Variants in SIM1 observed in about 807,000 individuals in gnomAD.
The protein encoded by SIM1 is SIM bHLH transcription factor 1.
SIM1 carries 18 observed loss-of-function variants against 78.2 expected under a neutral mutation model. That is an observed-to-expected ratio of 0.23 (90% confidence interval 0.16 to 0.34). The LOEUF is 0.34. Among genes scored for constraint, SIM1 ranks in the 10% least tolerant of loss-of-function variants. The pLI, the probability that SIM1 is intolerant of heterozygous loss-of-function variation, is 1.00. For synonymous variants in SIM1, 417 were observed against 385.2 expected (o/e 1.08, Z -0.97); for missense variants, 939 against 975.1 (o/e 0.96, Z 0.49).
chr6:100,396,406 C>T (rs1434830851), intron 10 of SIM1, among the ~76,000 whole-genome samples: 1 of 152,102 alleles, frequency 6.6e-6, no homozygotes, highest in African/African-American at 2.4e-5. Flanking sequence ...ATTGGCGCAA[C>T]AGAGAAGAAC....
chr6:100,419,074 G>C (rs915410606), intron 10 of SIM1, among the ~76,000 whole-genome samples: 1 of 152,078 alleles, frequency 6.6e-6, no homozygotes, highest in African/African-American at 2.4e-5. Context: ...GCTAAGGCAG[G>C]AGAATTGTTT....
At chr6:100,437,547 T>C (rs867418070) in intron 9 of SIM1, 1 of 151,770 alleles carries the variant, frequency 6.6e-6, no homozygotes, top group African/African-American at 2.4e-5. Flanking sequence ...AAAAAAAATT[T>C]TAAATGGTGT....
intron 9 of SIM1, among the ~76,000 whole-genome samples, chr6:100,438,734 G>A (rs1205632601): frequency 6.6e-6 from 1 of 152,174 alleles, no homozygotes; most frequent in African/African-American, 2.4e-5. Context: ...CCAATGAGTG[G>A]ATAAAGAAAA....
intron 8 of SIM1, among the ~76,000 whole-genome samples, chr6:100,447,631 G>C (rs546727286): frequency 2.6e-4 from 40 of 152,220 alleles, no homozygotes; most frequent in Non-Finnish European, 5.4e-4. Flanking sequence ...GATGATACAG[G>C]GGTGGCCAGA....
chr6:100,454,514 A>AC (rs1202944046), intron 2 of SIM1, among the ~76,000 whole-genome samples: 2 of 143,944 alleles, frequency 1.4e-5, no homozygotes, highest in African/African-American at 5.2e-5. Flanking sequence ...CCCCCTACCC[A>AC]CCCCCCTACC....
chr6:100,416,996 C>T (rs905025193), intron 10 of SIM1, among the ~76,000 whole-genome samples: 1 of 150,362 alleles, frequency 6.7e-6, no homozygotes, highest in Admixed American at 6.6e-5. Context: ...AAAAAACAAA[C>T]TCTAAACTCT....
intron 2 of SIM1, among the ~76,000 whole-genome samples, chr6:100,458,237 T>G (rs1167825404): frequency 1.3e-5 from 2 of 152,106 alleles, no homozygotes; most frequent in Non-Finnish European, 2.9e-5. Flanking sequence ...GCAGCGTTCA[T>G]GAGACAGTCC....
chr6:100,450,113 G>A (rs1772470629), intron 4 of SIM1, 154 bp downstream of exon 4: 1 of 667,008 alleles, frequency 1.5e-6, no homozygotes, highest in Admixed American at 2.4e-5. Flanking sequence ...GAGAAATGGA[G>A]AGACCCAGAA....
At chr6:100,445,924 GA>G (rs1223596405) in intron 9 of SIM1, among the ~76,000 whole-genome samples, 1 of 152,140 alleles carries the variant, frequency 6.6e-6, no homozygotes, top group Non-Finnish European at 1.5e-5. Flanking sequence ...CTGTATTCAT[GA>G]AATTGATAGT....
intron 9 of SIM1, among the ~76,000 whole-genome samples, chr6:100,423,936 C>T (rs1771658172): frequency 6.6e-6 from 1 of 152,114 alleles, no homozygotes; most frequent in African/African-American, 2.4e-5. Flanking sequence ...ATTGTGCACC[C>T]ATGAAAGTTT....
rs1562239598 is a variant in SIM1 at position 100,412,605 on chromosome 6, AAGAAAGG to A, written c.1167+8178_1167+8184del. Among the ~76,000 whole-genome samples, 15 of 109,054 alleles carry A rather than the reference AAGAAAGG, an allele frequency of 1.4e-4. 1 individual carries two copies. Among genetic ancestry groups the A allele is most frequent in the African/African-American group, 4.3e-4 (14 of 32,318 alleles). 71.5% of individuals were successfully genotyped at this position (109,054 alleles called of 152,430 possible). A position where few individuals can be genotyped will look rare whatever the true frequency, so the allele number is the denominator to read the frequency against. ...AAAGAAAGAAAGAAAGAAAGAAAGA[AAGAAAGG>A]AAAGAAAGAAGGAAAGAAAGAAAGA... On this transcript the variant is annotated intron_variant, in intron 10 of 11. Transcript: ENST00000369208.
At chr6:100,399,310 T>A (rs1165222488) in intron 10 of SIM1, among the ~76,000 whole-genome samples, 1 of 152,076 alleles carries the variant, frequency 6.6e-6, no homozygotes, top group Non-Finnish European at 1.5e-5. Flanking sequence ...TGTGGATGAA[T>A]CTCCAGTGAA....
intron 2 of SIM1, among the ~76,000 whole-genome samples, chr6:100,458,004 CTT>C (rs1281166519): frequency 7.1e-5 from 6 of 85,100 alleles, no homozygotes; most frequent in African/African-American, 2.2e-4. Context: ...CTGTCTCTCT[CTT>C]TCTCTCTCTC....
rs1770616405 is a variant in SIM1 at position 100,390,719 on chromosome 6, T to C, written c.1943A>G (p.Tyr648Cys). Residue 648 changes from tyrosine (Y) to cysteine (C), a missense_variant, in exon 12 of 12, where the codon TAT becomes TGT. Physicochemically the swap from Tyr to Cys is radical, Grantham distance 194. Coordinates refer to ENST00000369208, the MANE Select transcript of SIM1 (RefSeq NM_005068.3). Reference protein sequence around the residue: ...GKMLSPHENDYDNSPTALSRI... With the variant: ...GKMLSPHENDCDNSPTALSRI... ...AGATAGTGCGGTGGGACTGTTGTCATAGTCATTTTCATGGGGGCTCAACAT... is the reference window on the plus strand; with the variant it reads ...AGATAGTGCGGTGGGACTGTTGTCACAGTCATTTTCATGGGGGCTCAACAT... The C allele has an allele frequency of 1.9e-6, 3 of 1,614,050 alleles. No homozygotes were observed. The highest frequency in any genetic ancestry group is 2.5e-6 in the Non-Finnish European group (3 of 1,180,038).
intron 10 of SIM1, among the ~76,000 whole-genome samples, chr6:100,419,329 T>C (rs187157222): frequency 6.6e-4 from 100 of 152,294 alleles, no homozygotes; most frequent in African/African-American, 2.4e-3. Context: ...AGAAACCTGA[T>C]CTTCTGTGGA....
chr6:100,440,749 C>T (rs3798492), intron 9 of SIM1, among the ~76,000 whole-genome samples: 38,037 of 152,100 alleles, frequency 0.25, 5,167 homozygotes, highest in East Asian at 0.4. Flanking sequence ...ATCACCTGCT[C>T]ATCTGGAAAG....
chr6:100,453,788 G>T lies in SIM1; in HGVS notation c.232C>A (p.Arg78=). Residue 78 remains arginine (R), a synonymous_variant, in exon 3 of 12, where the codon CGA becomes AGA. Coordinates refer to ENST00000369208, the MANE Select transcript of SIM1 (RefSeq NM_005068.3). ...SRTSPLDNVG[R]ELGSHLLQTL... ...TGGAGCAGATGGGAGCCCAGTTCTC[G>T]GCCAACGTTGTCCAGGGGGCTGGTC... 1 of 1,611,866 alleles carries T rather than the reference G, an allele frequency of 6.2e-7. No individual in the cohort carries two copies. The highest frequency in any genetic ancestry group is 8.5e-7 in the Non-Finnish European group (1 of 1,179,036).
intron 10 of SIM1, among the ~76,000 whole-genome samples, chr6:100,416,435 C>T (rs1771403119): frequency 6.6e-6 from 1 of 152,006 alleles, no homozygotes; most frequent in Non-Finnish European, 1.5e-5. Context: ...ATCATTAAAC[C>T]ACCATTTATG....
At chr6:100,415,789 C>T (rs567416845) in intron 10 of SIM1, among the ~76,000 whole-genome samples, 55 of 152,226 alleles carry the variant, frequency 3.6e-4, no homozygotes, top group African/African-American at 1.3e-3. Flanking sequence ...AAATCACTTT[C>T]CTTCTAACTA....
Sources: allele counts gnomAD v4.1 joint callset (sites outside exome capture counted in the v4.1 genomes callset), GRCh38; gene constraint gnomAD v4.1.1; transcripts MANE v1.5; gene names NCBI Gene and HGNC (gene_info 2026-07-23, HGNC 2026-07-21).